Variants in PRKCE observed in about 807,000 individuals in gnomAD.
PRKCE encodes the protein protein kinase C epsilon.
In PRKCE, 16 loss-of-function variants were observed where a neutral mutation model predicts 85.4. The ratio of observed to expected loss-of-function variants is 0.19; its 90% CI spans 0.13 to 0.28. The LOEUF (loss-of-function observed/expected upper bound fraction) is 0.28. Among genes scored for constraint, PRKCE ranks in the 10% least tolerant of loss-of-function variants. The pLI is 1.00. For missense variants in PRKCE, 573 were observed against 975.2 expected, an observed-to-expected ratio of 0.59 and a Z score of 5.49; for synonymous variants, 388 against 371.5, an observed-to-expected ratio of 1.04 and a Z score of -0.51.
At chr2:45,847,523 CAT>C (rs375911333) in intron 2 of PRKCE, among the ~76,000 whole-genome samples, 20 of 152,308 alleles carry the variant, frequency 1.3e-4, no homozygotes, top group Middle Eastern at 3.4e-3. Context: ...GAAATAATAA[CAT>C]GTGTGTAGAG....
intron 1 of PRKCE, among the ~76,000 whole-genome samples, chr2:45,833,627 G>A (rs1690614712): frequency 6.6e-6 from 1 of 152,124 alleles, no homozygotes; most frequent in South Asian, 2.1e-4. Flanking sequence ...GGCAGAACTG[G>A]GATTGGAACC....
rs1010171877 is a variant in PRKCE, at chr2:45,895,347, G to A, written c.412+52284G>A. On this transcript the variant is annotated intron_variant, in intron 2 of 14. Coordinates refer to ENST00000306156, the MANE Select transcript of PRKCE (RefSeq NM_005400.3). The surrounding 1 kb of genome is among the most constrained non-coding windows in gnomAD (Gnocchi z 4.8). ...ATATGGACTTAAGGGAGTTTCAGTC[G>A]GGGAAGAAAGTGGGACTTTTTCATT... Among the ~76,000 whole-genome samples, 76 of 152,032 alleles carry A rather than the reference G, an allele frequency of 5.0e-4. No homozygotes were observed. Among genetic ancestry groups the A allele is most frequent in the Admixed American group, 4.9e-3 (75 of 15,254 alleles).
intron 1 of PRKCE, among the ~76,000 whole-genome samples, chr2:45,763,205 C>A (rs1025464581): frequency 6.6e-6 from 1 of 152,132 alleles, no homozygotes; most frequent in Non-Finnish European, 1.5e-5. Flanking sequence ...CCTCCCACCT[C>A]GGCCTCCCAA....
intron 11 of PRKCE, among the ~76,000 whole-genome samples, chr2:46,098,310 G>A (rs969444448): frequency 2.0e-5 from 3 of 151,388 alleles, no homozygotes; most frequent in African/African-American, 7.3e-5. Flanking sequence ...CTGTTAAATG[G>A]GGTTATTACT....
At chr2:46,079,283 T>A (rs919519406) in intron 10 of PRKCE, among the ~76,000 whole-genome samples, 4 of 151,026 alleles carry the variant, frequency 2.6e-5, no homozygotes, top group African/African-American at 9.8e-5. Context: ...CTCTAGGGGG[T>A]GCTAAGATAC....
chr2:45,856,188 C>A (rs1056224376), intron 2 of PRKCE, among the ~76,000 whole-genome samples: 1 of 151,988 alleles, frequency 6.6e-6, no homozygotes, highest in African/African-American at 2.4e-5. Context: ...CAACTCAAGG[C>A]AATTACCATA....
chr2:46,033,293 C>T (rs565488017), intron 10 of PRKCE, among the ~76,000 whole-genome samples: 3 of 152,280 alleles, frequency 2.0e-5, no homozygotes, highest in African/African-American at 7.2e-5. Context: ...CCTCACTGGG[C>T]GTGGTGGTGG....
rs888525574 is a variant in PRKCE at position 46,132,177 on chromosome 2, C to G, written c.1593-12916C>G. Among the ~76,000 whole-genome samples the G allele has an allele frequency of 3.9e-5, 6 of 152,244 alleles. No homozygotes were observed. The South Asian group carries it at 8.3e-4, about 21-fold the overall frequency. ...TTCTCTTTTTGGGTTTCCCAAACAC[C>G]AAAGTCCTCGGTGGTTGCTCTGTCT... is the stretch of plus-strand genomic sequence containing the variant. On this transcript the variant is annotated intron_variant, in intron 11 of 14. Transcript: ENST00000306156.
At chr2:45,787,623 T>C (rs1229979657) in intron 1 of PRKCE, among the ~76,000 whole-genome samples, 1 of 152,188 alleles carries the variant, frequency 6.6e-6, no homozygotes, top group Non-Finnish European at 1.5e-5. Flanking sequence ...GGGTATCCCA[T>C]TTTCTCTTTA....
At chr2:46,163,266 C>T (rs954622053) in intron 14 of PRKCE, among the ~76,000 whole-genome samples, 3 of 151,790 alleles carry the variant, frequency 2.0e-5, no homozygotes, top group Non-Finnish European at 2.9e-5. Context: ...CTGAGAGACA[C>T]AGGGAAGCTG....
intron 11 of PRKCE, among the ~76,000 whole-genome samples, chr2:46,097,004 C>T (rs762105423): frequency 1.4e-4 from 21 of 152,148 alleles, no homozygotes; most frequent in African/African-American, 1.7e-4. Context: ...GGTACCCCCA[C>T]GATGGTGGCA....
intron 2 of PRKCE, among the ~76,000 whole-genome samples, chr2:45,974,761 G>A (rs576435597): frequency 4.6e-5 from 7 of 152,310 alleles, no homozygotes; most frequent in Non-Finnish European, 7.3e-5. Flanking sequence ...TTCTTCCCCT[G>A]AAGACTGGCC....
At chr2:46,181,673 A>G (rs1679990047) in intron 14 of PRKCE, among the ~76,000 whole-genome samples, 1 of 152,344 alleles carries the variant, frequency 6.6e-6, no homozygotes, top group East Asian at 1.9e-4. Context: ...ACCAGCTTCC[A>G]TGATTAACAG....
intron 1 of PRKCE, among the ~76,000 whole-genome samples, chr2:45,692,277 A>C (rs1202651143): frequency 6.6e-6 from 1 of 152,164 alleles, no homozygotes; most frequent in African/African-American, 2.4e-5. Flanking sequence ...GAAGTCCTAA[A>C]TCAAGGTGTT....
chr2:45,937,709 C>T (rs1037733195), intron 2 of PRKCE, among the ~76,000 whole-genome samples: 16 of 151,308 alleles, frequency 1.1e-4, no homozygotes, highest in Admixed American at 2.6e-4. Flanking sequence ...AGTGAGACTC[C>T]GTCTCAAAGA....
chr2:46,119,473 A>G (rs1173395779), intron 11 of PRKCE, among the ~76,000 whole-genome samples: 1 of 152,214 alleles, frequency 6.6e-6, no homozygotes, highest in Non-Finnish European at 1.5e-5. Flanking sequence ...TAAAATACAT[A>G]CAAATGGTTC....
In PRKCE at chr2:46,023,284, A is replaced by T. The variant is rs1226712148; in HGVS notation, c.1437+12767A>T. Among the ~76,000 whole-genome samples, 8 of 152,056 alleles carry T rather than the reference A, an allele frequency of 5.3e-5. 1 individual carries two copies. Among genetic ancestry groups the T allele is most frequent in the Admixed American group, 4.6e-4 (7 of 15,274 alleles). ...CCTGGCACACTCATTTCATAAAGAGAAAATATGTATTACCTGTCCCCTAAT... is the reference window on the plus strand; with the variant it reads ...CCTGGCACACTCATTTCATAAAGAGTAAATATGTATTACCTGTCCCCTAAT... On this transcript the variant is annotated intron_variant, in intron 10 of 14. Transcript: ENST00000306156.
intron 10 of PRKCE, among the ~76,000 whole-genome samples, chr2:46,019,195 T>C (rs1483100295): frequency 6.6e-6 from 1 of 152,248 alleles, no homozygotes; most frequent in African/African-American, 2.4e-5. Context: ...AAATATCAAT[T>C]CCTGGCCAGG....
chr2:45,743,109 G>A (rs184913843), intron 1 of PRKCE, among the ~76,000 whole-genome samples: 1 of 152,284 alleles, frequency 6.6e-6, no homozygotes, highest in East Asian at 1.9e-4. Flanking sequence ...GGGGCTGGGT[G>A]GGGAGTGAGG....
Sources: allele counts gnomAD v4.1 joint callset (sites outside exome capture counted in the v4.1 genomes callset), GRCh38; gene constraint gnomAD v4.1.1; non-coding constraint Gnocchi (gnomAD v3.1); transcripts MANE v1.5; gene names NCBI Gene and HGNC (gene_info 2026-07-23, HGNC 2026-07-21).